SLC35F6: variants seen among roughly 807,000 people sequenced by gnomAD.
SLC35F6 encodes the protein ANT2-binding protein.
Under a neutral mutation model 29.4 loss-of-function variants are expected in SLC35F6, and 26 were observed. The observed-to-expected ratio is 0.89, with a 90% confidence interval of 0.65 to 1.23. The LOEUF (loss-of-function observed/expected upper bound fraction) is 1.23. Ranked by LOEUF, SLC35F6 falls within the 50% of genes most tolerant of loss-of-function variation. SLC35F6 has a pLI of 0.00. For synonymous variants in SLC35F6, 174 were observed against 206.6 expected (o/e 0.84, Z 1.35); for missense variants, 428 against 487.8 (o/e 0.88, Z 1.15).
At position 26,775,095 on chromosome 2, in the gene SLC35F6, C is replaced by A. The variant is rs766545032; in HGVS notation, c.202C>A (p.Leu68Ile). Residue 68 changes from leucine to isoleucine, a missense_variant, in exon 3 of 6, where the codon CTC (leucine) becomes ATC (isoleucine). By Grantham distance (5) the Leu-to-Ile change is conservative (BLOSUM62 2). Transcript: ENST00000344420. The surrounding 1 kb of genome is among the most constrained non-coding windows in gnomAD (Gnocchi z 4.6). ...EFSCLAAFYL[L>I]RCRAAGQSDS... ...CTCCTGCCTGGCTGCCTTCTACCTCCTCCGATGCAGAGCTGCAGGGCAATC... is the reference window on the plus strand; with the variant it reads ...CTCCTGCCTGGCTGCCTTCTACCTCATCCGATGCAGAGCTGCAGGGCAATC... The A allele has an allele frequency of 6.2e-7, 1 of 1,614,124 alleles. No homozygotes were observed. The highest frequency in any genetic ancestry group is 8.5e-7 in the Non-Finnish European group (1 of 1,180,010).
rs1664331661 is a variant in SLC35F6, at chr2:26,777,960, A to C, written c.647-82A>C. The C allele has an allele frequency of 2.2e-6, 3 of 1,338,986 alleles. No individual in the cohort carries two copies. The East Asian group carries it at 7.0e-5, about 31-fold the overall frequency. The allele number at this position is 1,338,986 out of a possible 1,614,324, so 82.9% of individuals were successfully genotyped here. A position where few individuals can be genotyped will look rare whatever the true frequency, so the allele number is the denominator to read the frequency against. Reference sequence around the variant, plus strand: ...AGGACCACTGGGAGGGAATGACCCGAGATCAGAGGAGGCTAAGCCGGTGGG... The same window carrying C: ...AGGACCACTGGGAGGGAATGACCCGCGATCAGAGGAGGCTAAGCCGGTGGG... On this transcript the variant is annotated intron_variant, in intron 5 of 5. Transcript: ENST00000344420.
rs1313399474 is a variant in SLC35F6 at position 26,775,413 on chromosome 2, A to G, written c.323-51A>G. 4 of 1,591,848 alleles carry G rather than the reference A, an allele frequency of 2.5e-6. No homozygotes were observed. Among genetic ancestry groups the G allele is most frequent in the Non-Finnish European group, 3.4e-6 (4 of 1,168,148 alleles). On this transcript the variant is annotated intron_variant, in intron 3 of 5. Coordinates refer to ENST00000344420, the MANE Select transcript of SLC35F6 (RefSeq NM_017877.4). This position sits in a 1 kb window ranked among gnomAD's most constrained non-coding sequence, Gnocchi z 4.6. ...CTATCACCAAAGACCCCTTAGTGAC[A>G]GATGGCCTTCGCCTTGGGAAGCTAA...
At chr2:26,772,093 G>T (rs1484479952) in intron 1 of SLC35F6, among the ~76,000 whole-genome samples, 1 of 152,200 alleles carries the variant, frequency 6.6e-6, no homozygotes, top group Non-Finnish European at 1.5e-5. Flanking sequence ...CCAGGAGCTG[G>T]TGGGGTCTCT....
In SLC35F6 at chr2:26,776,393, C is replaced by T; in HGVS notation, c.557C>T (p.Ala186Val). 6.2e-7 allele frequency: 1 copy of T among 1,614,204 alleles called. No homozygotes were observed. The highest frequency in any genetic ancestry group is 1.1e-5 in the South Asian group (1 of 91,082). The change falls in exon 5 of 6, where the codon GCC (alanine) becomes GTC (valine). Residue 186 changes from alanine to valine, a missense_variant. Transcript: ENST00000344420. ...ACAGGGGACCTGTTGATCATCATGG[C>T]CCAGATCATCGTTGCCATCCAGATG... ...VITGDLLIIM[A>V]QIIVAIQMVL... is the part of the protein sequence containing the mutation.
At chr2:26,772,273 C>T (rs1342297705) in intron 1 of SLC35F6, among the ~76,000 whole-genome samples, 1 of 152,112 alleles carries the variant, frequency 6.6e-6, no homozygotes, top group Non-Finnish European at 1.5e-5. Context: ...AGGACTCCCC[C>T]GCCCTTTGGG....
chr2:26,767,548 A>G (rs1664118002), intron 1 of SLC35F6, among the ~76,000 whole-genome samples: 3 of 152,164 alleles, frequency 2.0e-5, no homozygotes, highest in Admixed American at 6.5e-5. Flanking sequence ...CTCCCTGTGA[A>G]GTGGCTTCTT....
In SLC35F6 at chr2:26,778,295, C is replaced by T. The variant is rs373652138; in HGVS notation, c.900C>T (p.Thr300=). Residue 300 remains threonine, a synonymous_variant, in exon 6 of 6, where the codon ACC becomes ACT. Transcript: ENST00000344420. ...GCATGGTGTTGGACAGCTTGCGCAC[C>T]GTTGTCATCTGGGCACTGAGCCTGG... ...TTRMVLDSLR[T]VVIWALSLAL... The T allele has an allele frequency of 1.7e-5, 28 of 1,614,046 alleles. No individual in the cohort carries two copies. The highest frequency in any genetic ancestry group is 2.2e-5 in the East Asian group (1 of 44,884).
rs1664354422 is a variant in SLC35F6, at chr2:26,778,767, T to G, written c.*256T>G. On this transcript the variant is annotated 3_prime_UTR_variant, in exon 6 of 6. Transcript: ENST00000344420. ...AGACCTCAGCTCTCTGGACCCCTCC[T>G]ACAGCACTAGAGCTAAATCATGAAG... The G allele has an allele frequency of 8.2e-6, 4 of 486,004 alleles. No homozygotes were observed. The highest frequency in any genetic ancestry group is 1.5e-5 in the Non-Finnish European group (4 of 275,142). The allele number at this position is 486,004 out of a possible 1,614,324, so 30.1% of individuals were successfully genotyped here.
intron 1 of SLC35F6, among the ~76,000 whole-genome samples, chr2:26,773,652 A>G (rs1664243168): frequency 1.3e-5 from 2 of 148,740 alleles, no homozygotes; most frequent in African/African-American, 5.0e-5. Flanking sequence ...TTGCTCCATC[A>G]CCTAGGCTGG....
At position 26,775,957 on chromosome 2, in the gene SLC35F6, A is replaced by G. The variant is rs1664292914; in HGVS notation, c.535+281A>G. On this transcript the variant is annotated intron_variant, in intron 4 of 5. Transcript: ENST00000344420. The surrounding 1 kb of genome is among the most constrained non-coding windows in gnomAD (Gnocchi z 4.6). ...TGGGAGTGGAAAGGAACAGGTGCTT[A>G]CCAAGTGCCCAGCCTGGTGCTGAGC... 6.6e-6 allele frequency among the ~76,000 whole-genome samples: 1 copy of G among 152,020 alleles called. No individual in the cohort carries two copies. The highest frequency in any genetic ancestry group is 1.5e-5 in the Non-Finnish European group (1 of 67,990).
intron 1 of SLC35F6, among the ~76,000 whole-genome samples, chr2:26,773,344 C>CA (rs1010451734): frequency 7.7e-4 from 115 of 150,042 alleles, no homozygotes; most frequent in African/African-American, 2.6e-3. Context: ...ACTAAAAATA[C>CA]AAAAAAAAAT....
In SLC35F6 at chr2:26,765,773, C is replaced by T. The variant is rs1572630052; in HGVS notation, c.77+1347C>T. Among the ~76,000 whole-genome samples the T allele has an allele frequency of 3.3e-5, 5 of 152,338 alleles. No homozygotes were observed. The South Asian group carries it at 1.0e-3, about 32-fold the overall frequency. On this transcript the variant is annotated intron_variant, in intron 1 of 5. Transcript: ENST00000344420. ...ACTACTAGCTTCCCAGGCCCTGCAT[C>T]CTCCTGAGGATCACTCCTCATGCTG...
At position 26,778,080 on chromosome 2, in the gene SLC35F6, C is replaced by T; in HGVS notation, c.685C>T (p.Pro229Ser). 1 of 1,613,710 alleles carries T rather than the reference C, an allele frequency of 6.2e-7. No homozygotes were observed. The highest frequency in any genetic ancestry group is 1.1e-5 in the South Asian group (1 of 91,070). ...TGTGATCCTCTCCCTGCTGCTGGTG[C>T]CCATGTACTACATCCCCGCCGGCTC... ...GFVILSLLLV[P>S]MYYIPAGSFS... is the part of the protein sequence containing the mutation. Residue 229 changes from proline to serine, a missense_variant, in exon 6 of 6, where the codon CCC (proline) becomes TCC (serine). Pro to Ser is a moderately conservative substitution (Grantham distance 74). Coordinates refer to ENST00000344420, the MANE Select transcript of SLC35F6 (RefSeq NM_017877.4).
chr2:26,778,555 C>G lies in SLC35F6; in HGVS notation c.*44C>G. ...ACTGCCACCCGGGTGCTCCTTCTCC[C>G]TGAGACTGAGGCCACACAGGCTGGT... On this transcript the variant is annotated 3_prime_UTR_variant, in exon 6 of 6. Coordinates refer to ENST00000344420, the MANE Select transcript of SLC35F6 (RefSeq NM_017877.4). The G allele has an allele frequency of 6.6e-7, 1 of 1,506,492 alleles. No individual in the cohort carries two copies. Among genetic ancestry groups the G allele is most frequent in the East Asian group, 2.4e-5 (1 of 42,510 alleles). 93.3% of individuals were successfully genotyped at this position (1,506,492 alleles called of 1,614,324 possible).
intron 1 of SLC35F6, among the ~76,000 whole-genome samples, chr2:26,765,667 C>T (rs773237313): frequency 2.0e-5 from 3 of 152,208 alleles, no homozygotes; most frequent in Admixed American, 6.5e-5. Flanking sequence ...CTTCCCCAAA[C>T]GGTGGGCACA....
rs556628620 is a variant in SLC35F6, at chr2:26,769,475, T to A, written c.78-4776T>A. Reference sequence around the variant, plus strand: ...GGGGAGCAAGAACTCAGAGGAGAGCTTCAGAGCATCAGGGAGGGGGCGCAT... The same window carrying A: ...GGGGAGCAAGAACTCAGAGGAGAGCATCAGAGCATCAGGGAGGGGGCGCAT... On this transcript the variant is annotated intron_variant, in intron 1 of 5. Coordinates refer to ENST00000344420, the MANE Select transcript of SLC35F6 (RefSeq NM_017877.4). 3.3e-4 allele frequency among the ~76,000 whole-genome samples: 51 copies of A among 152,356 alleles called. No individual in the cohort carries two copies. The South Asian group carries it at 9.9e-3, about 30-fold the overall frequency.
At chr2:26,770,062 T>C (rs902725344) in intron 1 of SLC35F6, among the ~76,000 whole-genome samples, 5 of 152,166 alleles carry the variant, frequency 3.3e-5, no homozygotes, top group African/African-American at 1.2e-4. Context: ...ATCCTTGTTG[T>C]AAGGCTTAAC....
At position 26,775,236 on chromosome 2, in the gene SLC35F6, G is replaced by A. The variant is rs751699307; in HGVS notation, c.322+21G>A. 6.2e-7 allele frequency: 1 copy of A among 1,607,914 alleles called. No individual in the cohort carries two copies. The highest frequency in any genetic ancestry group is 8.5e-7 in the Non-Finnish European group (1 of 1,175,804). On this transcript the variant is annotated intron_variant, in intron 3 of 5. Transcript: ENST00000344420. The surrounding 1 kb of genome is among the most constrained non-coding windows in gnomAD (Gnocchi z 4.6). ...TGTGGGTGAGTAACCAGGCCAGGCT[G>A]AGAAGGGCTCAGGGGAAGCTGTGGC...
At position 26,778,195 on chromosome 2, in the gene SLC35F6, T is replaced by G; in HGVS notation, c.800T>G (p.Leu267Arg). 1 of 1,614,204 alleles carries G rather than the reference T, an allele frequency of 6.2e-7. No homozygotes were observed. The highest frequency in any genetic ancestry group is 8.5e-7 in the Non-Finnish European group (1 of 1,180,038). ...CAGCCGCTCATTGCCGTGGCACTGCTGGGCAACATCAGCAGCATTGCCTTC... is the reference window on the plus strand; with the variant it reads ...CAGCCGCTCATTGCCGTGGCACTGCGGGGCAACATCAGCAGCATTGCCTTC... Reference protein sequence around the residue: ...GQQPLIAVALLGNISSIAFFN... With the variant: ...GQQPLIAVALRGNISSIAFFN... The change falls in exon 6 of 6, where the codon CTG (leucine) becomes CGG (arginine). Residue 267 changes from leucine (L) to arginine (R), a missense_variant. Leu to Arg is a moderately radical substitution (Grantham distance 102). Transcript: ENST00000344420.
Sources: gnomAD v4.1 joint callset for allele counts (sites outside exome capture counted in the v4.1 genomes callset) on GRCh38, gnomAD v4.1.1 for gene constraint, Gnocchi (gnomAD v3.1) non-coding constraint, MANE v1.5 for transcripts, NCBI Gene and HGNC (gene_info 2026-07-23, HGNC 2026-07-21) for gene names.